The following RBFOX1 variants were observed in gnomAD, a reference collection of about 807,000 sequenced individuals.
The protein encoded by RBFOX1 is RNA binding protein fox-1 homolog 1.
In RBFOX1, 8 loss-of-function variants were observed where a neutral mutation model predicts 57.7. The ratio of observed to expected loss-of-function variants is 0.14; its 90% CI spans 0.08 to 0.25. The LOEUF is 0.25. Among genes scored for constraint, RBFOX1 ranks in the 10% least tolerant of loss-of-function variants. The pLI is 1.00. For synonymous variants in RBFOX1, 326 were observed against 222.4 expected (o/e 1.47, Z -4.15); for missense variants, 611 against 548.5 (o/e 1.11, Z -1.14).
rs1008218171 is a variant in RBFOX1, at chr16:5,916,289, A to G, written c.351+48954A>G. 2.0e-5 allele frequency among the ~76,000 whole-genome samples: 3 copies of G among 152,092 alleles called. No homozygotes were observed. In the South Asian group the frequency reaches 6.2e-4, roughly 32 times the overall value. Reference sequence around the variant, plus strand: ...CAGCTCTAATTCTCGGATTATTCTTAATTCCCCCCTCCTTTGTTGGAGTTT... The same window carrying G: ...CAGCTCTAATTCTCGGATTATTCTTGATTCCCCCCTCCTTTGTTGGAGTTT... On this transcript the variant is annotated intron_variant, in intron 4 of 19. Coordinates refer to the RBFOX1 transcript ENST00000641259.
At chr16:5,438,467 CT>C (rs2067983180) in intron 1 of RBFOX1, among the ~76,000 whole-genome samples, 1 of 152,182 alleles carries the variant, frequency 6.6e-6, no homozygotes, top group South Asian at 2.1e-4. Context: ...GTCTTGACAT[CT>C]TTGAGCCTGA....
At chr16:5,407,066 T>G (rs1394855963) in intron 1 of RBFOX1, among the ~76,000 whole-genome samples, 1 of 152,064 alleles carries the variant, frequency 6.6e-6, no homozygotes, top group Non-Finnish European at 1.5e-5. Flanking sequence ...TCCACCTGGG[T>G]GGGGAGGCCT....
intron 4 of RBFOX1, among the ~76,000 whole-genome samples, chr16:7,479,427 G>A (rs2151168701): frequency 6.6e-6 from 1 of 152,214 alleles, no homozygotes; most frequent in East Asian, 1.9e-4. Context: ...GGGGTGCCTG[G>A]CCCAAACCCA....
chr16:7,210,808 G>C (rs190093957), intron 4 of RBFOX1, among the ~76,000 whole-genome samples: 1 of 152,070 alleles, frequency 6.6e-6, no homozygotes, highest in African/African-American at 2.4e-5. Context: ...CTGTGTGTGA[G>C]CAAGTCTAGA....
chr16:7,365,888 C>G (rs1243521235), intron 4 of RBFOX1, among the ~76,000 whole-genome samples: 1 of 152,218 alleles, frequency 6.6e-6, no homozygotes, highest in African/African-American at 2.4e-5. Flanking sequence ...GACTCTCCTT[C>G]TTTGTCTCCT....
chr16:6,397,993 A>G (rs1183472820), intron 2 of RBFOX1, among the ~76,000 whole-genome samples: 2 of 152,256 alleles, frequency 1.3e-5, no homozygotes, highest in Non-Finnish European at 2.9e-5. Context: ...AATAGTAACA[A>G]AAAGCAAACA....
Position 7,711,855 on chromosome 16 carries a change from A to G in RBFOX1, c.*1110A>G, listed in dbSNP as rs947495237. ...ATCATTGAGTAGAGATAATCATGGT[A>G]TTTTCATCAGCTTGGTACTTTTTGA... On this transcript the variant is annotated 3_prime_UTR_variant, in exon 16 of 16. Transcript: ENST00000550418. 2.6e-5 allele frequency: 4 copies of G among 152,558 alleles called. No homozygotes were observed. Among genetic ancestry groups the G allele is most frequent in the African/African-American group, 7.2e-5 (3 of 41,430 alleles). 9.5% of individuals were successfully genotyped at this position (152,558 alleles called of 1,614,324 possible). A position where few individuals can be genotyped will look rare whatever the true frequency, so the allele number is the denominator to read the frequency against.
intron 4 of RBFOX1, among the ~76,000 whole-genome samples, chr16:5,905,975 G>A (rs1191516913): frequency 6.6e-6 from 1 of 152,324 alleles, no homozygotes; most frequent in South Asian, 2.1e-4. Flanking sequence ...CCCTACCTTA[G>A]GATGTGGTTT....
chr16:5,400,790 C>T (rs190428765), intron 1 of RBFOX1, among the ~76,000 whole-genome samples: 35 of 152,166 alleles, frequency 2.3e-4, no homozygotes, highest in African/African-American at 7.9e-4. Context: ...TCTTCCCCAC[C>T]CCCAACAGGT....
chr16:6,884,180 C>T (rs1280277633), intron 3 of RBFOX1, among the ~76,000 whole-genome samples: 4 of 152,176 alleles, frequency 2.6e-5, no homozygotes, highest in East Asian at 1.9e-4. Context: ...GCCCCTTCTG[C>T]TCACAGGGCA....
At chr16:7,299,546 A>G (rs920192687) in intron 4 of RBFOX1, among the ~76,000 whole-genome samples, 2 of 152,196 alleles carry the variant, frequency 1.3e-5, no homozygotes, top group Non-Finnish European at 2.9e-5. Context: ...TCTGCCTGGG[A>G]CGAAGCCCTT....
intron 4 of RBFOX1, among the ~76,000 whole-genome samples, chr16:7,193,212 G>C (rs551470095): frequency 1.3e-5 from 2 of 152,212 alleles, no homozygotes; most frequent in Non-Finnish European, 2.9e-5. Flanking sequence ...AGAAGAGAGA[G>C]AGTATCAGAG....
chr16:5,390,768 C>T lies in RBFOX1; in HGVS notation c.220-76448C>T, dbSNP rs77799862. On this transcript the variant is annotated intron_variant, in intron 1 of 2. Coordinates refer to the RBFOX1 transcript ENST00000585867. ...ATTCCCTGGGTCAAATGAATTGTTC[C>T]AGAATGGGCCTGTGGCTCAAAGCTG... 2.2e-4 allele frequency among the ~76,000 whole-genome samples: 34 copies of T among 152,182 alleles called. 1 individual carries two copies. In the East Asian group the frequency reaches 6.6e-3, roughly 29 times the overall value.
chr16:6,911,888 G>T (rs1357317455), intron 3 of RBFOX1, among the ~76,000 whole-genome samples: 4 of 152,074 alleles, frequency 2.6e-5, no homozygotes, highest in Admixed American at 2.0e-4. Context: ...TAGTACAGGT[G>T]GTCTTCAGAT....
At chr16:6,861,835 T>G (rs2059069087) in intron 3 of RBFOX1, among the ~76,000 whole-genome samples, 3 of 149,944 alleles carry the variant, frequency 2.0e-5, no homozygotes, top group Admixed American at 6.7e-5. Context: ...TTTTTTTTTT[T>G]TTTTTTTTTG....
intron 1 of RBFOX1, among the ~76,000 whole-genome samples, chr16:6,190,550 G>A (rs932591856): frequency 6.6e-6 from 1 of 152,170 alleles, no homozygotes; most frequent in East Asian, 1.9e-4. Flanking sequence ...AGTTGAATGA[G>A]AAAAATCGAC....
Position 6,087,976 on chromosome 16 carries a change from C to G in RBFOX1, c.-127+67984C>G, listed in dbSNP as rs78457142. ...TTATCTTATTTCTTGTATAAAAACT[C>G]CTGCGTGTGTGTGTTTGTGTGTGTG... On this transcript the variant is annotated intron_variant, in intron 1 of 15. Coordinates refer to ENST00000550418, the MANE Select transcript of RBFOX1 (RefSeq NM_018723.4). Among the ~76,000 whole-genome samples the G allele has an allele frequency of 6.8e-3, 1,031 of 152,204 alleles. 32 individuals are homozygous for G. The highest frequency in any genetic ancestry group is 0.042 in the Admixed American group (645 of 15,284).
chr16:7,014,300 C>T (rs1176040485), intron 3 of RBFOX1, among the ~76,000 whole-genome samples: 3 of 151,802 alleles, frequency 2.0e-5, no homozygotes, highest in South Asian at 4.2e-4. Context: ...ACAATGTTAG[C>T]CTCCTGGGTT....
intron 3 of RBFOX1, among the ~76,000 whole-genome samples, chr16:6,796,575 C>T (rs2084104287): frequency 6.6e-6 from 1 of 152,254 alleles, no homozygotes; most frequent in South Asian, 2.1e-4. Context: ...TTATCTACTT[C>T]CTTCTACCCT....
Sources: allele counts gnomAD v4.1 joint callset (sites outside exome capture counted in the v4.1 genomes callset), GRCh38; gene constraint gnomAD v4.1.1; transcripts MANE v1.5; gene names NCBI Gene and HGNC (gene_info 2026-07-23, HGNC 2026-07-21).